The following ARPP21 variants were observed in gnomAD, a reference collection of about 807,000 sequenced individuals.
The protein encoded by ARPP21 is cAMP-regulated phosphoprotein 21.
Under a neutral mutation model 113.2 loss-of-function variants are expected in ARPP21, and 69 were observed. The observed-to-expected ratio is 0.61, with a 90% CI of 0.50 to 0.74. The LOEUF (loss-of-function observed/expected upper bound fraction) is 0.74. ARPP21 is among the 30% of genes least tolerant of loss of function. The pLI, the probability that ARPP21 is intolerant of heterozygous loss-of-function variation, is 0.00. For synonymous variants in ARPP21, 368 were observed against 375.5 expected (o/e 0.98, Z 0.23); for missense variants, 1,070 against 1,037.4 (o/e 1.03, Z -0.43).
At chr3:35,661,583 G>C (rs1168144564) in intron 1 of ARPP21, among the ~76,000 whole-genome samples, 3 of 152,118 alleles carry the variant, frequency 2.0e-5, no homozygotes, top group East Asian at 3.9e-4. Flanking sequence ...ACAGCATAAA[G>C]AAATCAGAAC....
At chr3:35,743,707 T>TA in intron 18 of ARPP21, 132 bp from the exon 19 acceptor site, 1 of 864,828 alleles carries the variant, frequency 1.2e-6, no homozygotes, top group South Asian at 1.6e-5. Context: ...CACATACACA[T>TA]AGGCATGGGA....
chr3:35,773,967 T>C (rs2096279348), intron 19 of ARPP21, among the ~76,000 whole-genome samples: 1 of 152,144 alleles, frequency 6.6e-6, no homozygotes, highest in Non-Finnish European at 1.5e-5. Context: ...ATCAGACACA[T>C]TTGTAAGGCA....
rs2093629924 is a variant in ARPP21 at position 35,727,601 on chromosome 3, TA to T, written c.1226-1701del. On this transcript the variant is annotated intron_variant, in intron 14 of 20. Coordinates refer to ENST00000684406, the MANE Select transcript of ARPP21 (RefSeq NM_001385562.1). The stretch of plus-strand genomic sequence containing the variant: ...AAAAGAGTGTTAGTGATGGATTATA[TA>T]TTTTGACTTTAATAATACATAAGAA... Among the ~76,000 whole-genome samples, 4 of 152,248 alleles carry T rather than the reference TA, an allele frequency of 2.6e-5. No individual in the cohort carries two copies. In the South Asian group the frequency reaches 8.3e-4, roughly 31 times the overall value.
chr3:35,665,343 A>G (rs1307730467), intron 1 of ARPP21, among the ~76,000 whole-genome samples: 1 of 152,074 alleles, frequency 6.6e-6, no homozygotes, highest in Non-Finnish European at 1.5e-5. Context: ...TTTTAATATG[A>G]TAACAAGATC....
chr3:35,765,475 T>A lies in ARPP21; in HGVS notation c.2137+21510T>A, dbSNP rs960190724. ...ACCCTGAGTCCTTCAGTTTATTGCA[T>A]AAGTGAAGCATCAGTATACTGAAAT... On this transcript the variant is annotated intron_variant, in intron 19 of 20. Coordinates refer to ENST00000684406, the MANE Select transcript of ARPP21 (RefSeq NM_001385562.1). Among the ~76,000 whole-genome samples, 6 of 152,216 alleles carry A rather than the reference T, an allele frequency of 3.9e-5. No individual in the cohort carries two copies. In the East Asian group the frequency reaches 1.2e-3, roughly 29 times the overall value.
intron 14 of ARPP21, among the ~76,000 whole-genome samples, chr3:35,726,757 T>A (rs554123073): frequency 6.6e-6 from 1 of 152,342 alleles, no homozygotes; most frequent in South Asian, 2.1e-4. Flanking sequence ...GGCTTATAGC[T>A]CAAATCTGAG....
chr3:35,683,675 T>G (rs1313538260), intron 4 of ARPP21, 51 bp from the exon 5 acceptor site: 2 of 785,726 alleles, frequency 2.5e-6, no homozygotes, highest in African/African-American at 3.4e-5. Flanking sequence ...GAATGCTTCC[T>G]GTTTGTTTTC....
chr3:35,675,798 A>AGAT (rs58955088), intron 1 of ARPP21, among the ~76,000 whole-genome samples: 42,525 of 149,230 alleles, frequency 0.28, 6,185 homozygotes, highest in East Asian at 0.41. Flanking sequence ...GCTAAGATGA[A>AGAT]GATGATGATG....
intron 4 of ARPP21, 91 bp downstream of exon 4, chr3:35,682,980 A>G: frequency 1.6e-6 from 2 of 1,269,120 alleles, no homozygotes; most frequent in Non-Finnish European, 2.2e-6. Context: ...AGCATTTCAG[A>G]TGATTGTGTC....
chr3:35,719,408 A>G (rs1397355357), intron 13 of ARPP21, among the ~76,000 whole-genome samples: 4 of 152,214 alleles, frequency 2.6e-5, no homozygotes, highest in African/African-American at 9.6e-5. Flanking sequence ...TGAGCTAGTG[A>G]GGTAGAGGTA....
rs775024270 is a variant in ARPP21, at chr3:35,737,127, C to G, written c.1460-51C>G. On this transcript the variant is annotated intron_variant, in intron 15 of 20. Transcript: ENST00000684406. ...TATCTAACAGAGTGGTTCTTCATGT[C>G]AAAGGAGAGATTGAGAAGCTTACCT... 8 of 1,106,940 alleles carry G rather than the reference C, an allele frequency of 7.2e-6. No homozygotes were observed. The South Asian group carries it at 1.1e-4, about 15-fold the overall frequency. 68.6% of individuals were successfully genotyped at this position (1,106,940 alleles called of 1,614,324 possible).
At chr3:35,668,030 AAGG>A (rs1559550907) in intron 1 of ARPP21, among the ~76,000 whole-genome samples, 7 of 141,902 alleles carry the variant, frequency 4.9e-5, no homozygotes, top group African/African-American at 7.8e-5. Context: ...GAAGAAGAAG[AAGG>A]AGAAGAAGAA....
chr3:35,666,814 A>C (rs963543217), intron 1 of ARPP21, among the ~76,000 whole-genome samples: 7 of 152,144 alleles, frequency 4.6e-5, no homozygotes, highest in African/African-American at 1.4e-4. Flanking sequence ...CTCAGTCTTT[A>C]TGTTTACTTT....
chr3:35,676,227 G>T (rs1188361011), intron 1 of ARPP21, among the ~76,000 whole-genome samples: 2 of 151,836 alleles, frequency 1.3e-5, no homozygotes, highest in East Asian at 1.9e-4. Flanking sequence ...TAGTTTTAAT[G>T]GCATTCATGA....
At chr3:35,660,515 C>G (rs753210050) in intron 1 of ARPP21, among the ~76,000 whole-genome samples, 4 of 152,132 alleles carry the variant, frequency 2.6e-5, no homozygotes, top group Non-Finnish European at 5.9e-5. Context: ...TCTTTGCCCT[C>G]GAAATCTCTT....
At chr3:35,783,961 G>T (rs1056841632) in intron 19 of ARPP21, among the ~76,000 whole-genome samples, 9 of 151,810 alleles carry the variant, frequency 5.9e-5, no homozygotes, top group Admixed American at 5.9e-4. Flanking sequence ...TCTAATACTA[G>T]GTTCAATATG....
At chr3:35,690,654 T>A (rs891659599) in intron 8 of ARPP21, among the ~76,000 whole-genome samples, 1 of 151,638 alleles carries the variant, frequency 6.6e-6, no homozygotes, top group African/African-American at 2.4e-5. Flanking sequence ...AATGTGCAAC[T>A]ATGAAACAAA....
intron 1 of ARPP21, among the ~76,000 whole-genome samples, chr3:35,672,490 G>T (rs1211153372): frequency 2.0e-5 from 3 of 152,058 alleles, no homozygotes; most frequent in Non-Finnish European, 4.4e-5. Flanking sequence ...TTGGCCTTTA[G>T]GTGGAGGATG....
At chr3:35,688,226 A>G (rs1259252177) in intron 6 of ARPP21, among the ~76,000 whole-genome samples, 1 of 151,582 alleles carries the variant, frequency 6.6e-6, no homozygotes, top group Non-Finnish European at 1.5e-5. Context: ...AACAGTAATG[A>G]TACCAAGTTT....
Sources: gnomAD v4.1 joint callset for allele counts (sites outside exome capture counted in the v4.1 genomes callset) on GRCh38, gnomAD v4.1.1 for gene constraint, MANE v1.5 for transcripts, NCBI Gene and HGNC (gene_info 2026-07-23, HGNC 2026-07-21) for gene names.